ZSWIM6: variants seen among roughly 807,000 people sequenced by gnomAD.
The protein encoded by ZSWIM6 is zinc finger SWIM-type containing 6, also known as zinc finger SWIM domain-containing protein 6.
Under a neutral mutation model 113.2 loss-of-function variants are expected in ZSWIM6, and 9 were observed. The ratio of observed to expected loss-of-function variants is 0.08; its 90% CI spans 0.05 to 0.14. The LOEUF (loss-of-function observed/expected upper bound fraction) is 0.14. Among genes scored for constraint, ZSWIM6 ranks in the 10% least tolerant of loss-of-function variants. The probability of loss-of-function intolerance (pLI) is 1.00; values close to 1 mark genes in which losing one functional copy is unlikely to be tolerated. For missense variants in ZSWIM6, 1,162 were observed against 1,552.2 expected, an observed-to-expected ratio of 0.75 and a Z score of 4.22; for synonymous variants, 611 against 606.5, an observed-to-expected ratio of 1.01 and a Z score of -0.11.
chr5:61,521,555 A>G, intron 5 of ZSWIM6, 113 bp downstream of exon 5: 1 of 802,956 alleles, frequency 1.2e-6, no homozygotes, highest in South Asian at 3.9e-5. Flanking sequence ...TTAAGAACTT[A>G]CAACTCCAGT....
intron 1 of ZSWIM6, among the ~76,000 whole-genome samples, chr5:61,379,202 A>AG (rs1579963838): frequency 2.0e-5 from 3 of 151,460 alleles, no homozygotes; most frequent in African/African-American, 7.3e-5. Context: ...AAAAAAAAAA[A>AG]AAAAAAAGAA....
At chr5:61,398,912 G>GTTTTTT (rs57439648) in intron 1 of ZSWIM6, among the ~76,000 whole-genome samples, 1 of 61,784 alleles carries the variant, frequency 1.6e-5, no homozygotes, top group African/African-American at 5.6e-5. Flanking sequence ...GTGTATAGTT[G>GTTTTTT]TTTTTTTTTT....
At chr5:61,375,405 G>T in intron 1 of ZSWIM6, 1 of 1,528,470 alleles carries the variant, frequency 6.5e-7, no homozygotes, top group Non-Finnish European at 9.0e-7. Flanking sequence ...AAAAAGAAAA[G>T]AAGAAATCTG....
chr5:61,513,509 T>TG (rs1225666853), intron 4 of ZSWIM6, among the ~76,000 whole-genome samples: 5 of 152,166 alleles, frequency 3.3e-5, no homozygotes, highest in African/African-American at 1.2e-4. Flanking sequence ...TCATCTTTTA[T>TG]GGGTCATGCT....
intron 1 of ZSWIM6, among the ~76,000 whole-genome samples, chr5:61,386,784 A>C (rs1431206397): frequency 6.6e-6 from 1 of 152,236 alleles, no homozygotes; most frequent in East Asian, 1.9e-4. Flanking sequence ...GTGTGGGTTA[A>C]TAGATTTTCC....
Position 61,472,706 on chromosome 5 carries a change from A to C in ZSWIM6, c.702A>C (p.Thr234=), listed in dbSNP as rs552059492. The C allele has an allele frequency of 1.3e-6, 2 of 1,541,236 alleles. No individual in the cohort carries two copies. The highest frequency in any genetic ancestry group is 2.7e-5 in the African/African-American group (2 of 72,900). The stretch of plus-strand genomic sequence containing the variant: ...GTTTCCACTTGAGCGGCACAGTGAC[A>C]GAACCTGCAATACAATCGGAGCCAG... The part of the protein sequence containing the change: ...QVGFHLSGTV[T]EPAIQSEPET... Residue 234 remains threonine (T), a synonymous_variant, in exon 2 of 14, where the codon ACA becomes ACC. Transcript: ENST00000252744. The surrounding 1 kb of genome is among the most constrained non-coding windows in gnomAD (Gnocchi z 4.1).
intron 1 of ZSWIM6, among the ~76,000 whole-genome samples, chr5:61,389,008 G>A (rs1367040875): frequency 6.6e-6 from 1 of 152,092 alleles, no homozygotes; most frequent in African/African-American, 2.4e-5. Flanking sequence ...GCATTTTGGT[G>A]TACCGGGACA....
At chr5:61,501,373 T>A (rs1748463089) in intron 4 of ZSWIM6, among the ~76,000 whole-genome samples, 2 of 152,196 alleles carry the variant, frequency 1.3e-5, no homozygotes, top group Non-Finnish European at 2.9e-5. Context: ...TGCTATCAAC[T>A]ATCCTCTTGA....
chr5:61,381,327 G>C (rs754256200), intron 1 of ZSWIM6, among the ~76,000 whole-genome samples: 5 of 152,166 alleles, frequency 3.3e-5, no homozygotes, highest in Admixed American at 6.6e-5. Flanking sequence ...CCTGCTATGT[G>C]TATTCATAAA....
chr5:61,401,440 G>C (rs1201859980), intron 1 of ZSWIM6, among the ~76,000 whole-genome samples: 1 of 152,104 alleles, frequency 6.6e-6, no homozygotes, highest in Non-Finnish European at 1.5e-5. Context: ...CAGATATCCT[G>C]ATGGATGCTG....
At chr5:61,526,139 GT>G in intron 6 of ZSWIM6, 110 bp from the exon 7 acceptor site, 1 of 1,435,598 alleles carries the variant, frequency 7.0e-7, no homozygotes, top group Non-Finnish European at 9.3e-7. Flanking sequence ...TTCAGGAATG[GT>G]TTCTTGTGTC....
chr5:61,428,916 C>T (rs1022772397), intron 1 of ZSWIM6, among the ~76,000 whole-genome samples: 1 of 152,108 alleles, frequency 6.6e-6, no homozygotes, highest in Admixed American at 6.5e-5. Flanking sequence ...CTCACCTTGG[C>T]TGTCACTCTT....
rs529004231 is a variant in ZSWIM6 at position 61,526,500 on chromosome 5, T to C, written c.1837+104T>C. On this transcript the variant is annotated intron_variant, in intron 7 of 13. Transcript: ENST00000252744. ...TGGCTTTTAGAACTAAAACCATAGATGATGGCTTTACTCGCCATTCATTTA... is the reference window on the plus strand; with the variant it reads ...TGGCTTTTAGAACTAAAACCATAGACGATGGCTTTACTCGCCATTCATTTA... 4.7e-6 allele frequency: 6 copies of C among 1,290,238 alleles called. No homozygotes were observed. In the Admixed American group the frequency reaches 8.8e-5, roughly 19 times the overall value. 79.9% of individuals were successfully genotyped at this position (1,290,238 alleles called of 1,614,324 possible).
chr5:61,332,342 GGC>G lies in ZSWIM6; in HGVS notation c.72_73del (p.Gly26GlnfsTer73). 1 of 1,059,844 alleles carries G rather than the reference GGC, an allele frequency of 9.4e-7. No homozygotes were observed. The highest frequency in any genetic ancestry group is 1.2e-6 in the Non-Finnish European group (1 of 864,098). The allele number at this position is 1,059,844 out of a possible 1,614,324, so 65.7% of individuals were successfully genotyped here. A position where few individuals can be genotyped will look rare whatever the true frequency, so the allele number is the denominator to read the frequency against. ...LCCRPGGGGG[G>X]GGSSGGGGGA... ...CTGCCGGCCGGGCGGCGGCGGCGGC[GGC>G]GGGGGCAGCAGCGGCGGCGGCGGCG... On this transcript the variant is annotated frameshift_variant, in exon 1 of 14. Transcript: ENST00000252744. LOFTEE classifies it high-confidence loss of function.
In ZSWIM6 at chr5:61,531,480, G is replaced by A. The variant is rs1363572499; in HGVS notation, c.2000G>A (p.Cys667Tyr). The A allele has an allele frequency of 6.4e-7, 1 of 1,551,450 alleles. No homozygotes were observed. The highest frequency in any genetic ancestry group is 8.7e-7 in the Non-Finnish European group (1 of 1,146,760). ...FSDFTENMGQCKSLEYQHLPA... is the reference protein window; with the variant it reads ...FSDFTENMGQYKSLEYQHLPA... ...CATTTTGCAGAGAATATGGGACAGTGCAAGTCTCTGGAATACCAGCATCTA... is the reference window on the plus strand; with the variant it reads ...CATTTTGCAGAGAATATGGGACAGTACAAGTCTCTGGAATACCAGCATCTA... The change falls in exon 9 of 14, where the codon TGC becomes TAC. Residue 667 changes from cysteine to tyrosine, a missense_variant. By Grantham distance (194) the Cys-to-Tyr change is radical (BLOSUM62 -2). Transcript: ENST00000252744.
intron 9 of ZSWIM6, 37 bp downstream of exon 9, chr5:61,531,762 A>G (rs577708764): frequency 3.2e-5 from 50 of 1,545,378 alleles, no homozygotes; most frequent in South Asian, 2.6e-4. Flanking sequence ...TATTTAGCCA[A>G]TTTGACTTAG....
chr5:61,514,742 C>T (rs1748885639), intron 4 of ZSWIM6, among the ~76,000 whole-genome samples: 1 of 151,986 alleles, frequency 6.6e-6, no homozygotes, highest in Non-Finnish European at 1.5e-5. Context: ...GTGTATTTTC[C>T]TTTTCTGATA....
intron 2 of ZSWIM6, among the ~76,000 whole-genome samples, chr5:61,483,734 G>A (rs12521592): frequency 0.034 from 5,133 of 150,114 alleles, 297 homozygotes; most frequent in East Asian, 0.23. Context: ...AAAATTAGCC[G>A]GGCGTGGTGG....
chr5:61,383,296 GC>G (rs1167904591), intron 1 of ZSWIM6, among the ~76,000 whole-genome samples: 1 of 152,178 alleles, frequency 6.6e-6, no homozygotes, highest in Non-Finnish European at 1.5e-5. Context: ...CTGACAAGCA[GC>G]CCCCACCCCA....
Sources: gnomAD v4.1 joint callset for allele counts (sites outside exome capture counted in the v4.1 genomes callset) on GRCh38, gnomAD v4.1.1 for gene constraint, Gnocchi (gnomAD v3.1) non-coding constraint, MANE v1.5 for transcripts, NCBI Gene and HGNC (gene_info 2026-07-23, HGNC 2026-07-21) for gene names.